Variants in GRIK1 observed in about 807,000 individuals in gnomAD.
GRIK1 encodes the protein glutamate ionotropic receptor kainate type subunit 1, also known as glutamate receptor ionotropic, kainate 1.
In GRIK1, 69 loss-of-function variants were observed where a neutral mutation model predicts 105.7. The observed-to-expected ratio is 0.65, with a 90% CI of 0.54 to 0.80. The LOEUF (loss-of-function observed/expected upper bound fraction) is 0.80. Ranked by LOEUF, GRIK1 falls within the 30% of genes least tolerant of loss-of-function variation. The pLI is 0.00. For synonymous variants in GRIK1, 438 were observed against 431.3 expected (o/e 1.02, Z -0.19); for missense variants, 1,109 against 1,167.3 (o/e 0.95, Z 0.73).
At chr21:29,749,618 G>A (rs1193597630) in intron 1 of GRIK1, among the ~76,000 whole-genome samples, 1 of 152,176 alleles carries the variant, frequency 6.6e-6, no homozygotes, top group Non-Finnish European at 1.5e-5. Context: ...TTATCAGCAG[G>A]AGAGTGCAGA....
At chr21:29,754,586 G>A (rs2065287235) in intron 1 of GRIK1, among the ~76,000 whole-genome samples, 1 of 152,190 alleles carries the variant, frequency 6.6e-6, no homozygotes. Flanking sequence ...CTGACACAGA[G>A]GGGTGTGATT....
At chr21:29,747,897 T>G (rs758990555) in intron 1 of GRIK1, among the ~76,000 whole-genome samples, 1 of 152,206 alleles carries the variant, frequency 6.6e-6, no homozygotes, top group Non-Finnish European at 1.5e-5. Context: ...TGAAGAAATA[T>G]TCTGTGATTT....
rs146463802 is a variant in GRIK1 at position 29,615,222 on chromosome 21, C to T, written c.1099-16285G>A. Among the ~76,000 whole-genome samples the T allele has an allele frequency of 2.6e-4, 39 of 151,728 alleles. 2 individuals carry two copies. Among genetic ancestry groups the T allele is most frequent in the African/African-American group, 8.8e-4 (36 of 41,048 alleles). ...GTCTTGTATTACAGTTTGTTGTGTG[C>T]ATTTTCCTCCAGATGATGATGGCTT... is the stretch of plus-strand genomic sequence containing the variant. On this transcript the variant is annotated intron_variant, in intron 7 of 17. Transcript: ENST00000327783.
chr21:29,856,202 C>A (rs1375663331), intron 1 of GRIK1, among the ~76,000 whole-genome samples: 1 of 152,026 alleles, frequency 6.6e-6, no homozygotes, highest in Non-Finnish European at 1.5e-5. Flanking sequence ...GGGAGATAAG[C>A]AGAGGACCCC....
chr21:29,838,896 T>C lies in GRIK1; in HGVS notation c.118+100487A>G, dbSNP rs139881004. 1.5e-3 allele frequency among the ~76,000 whole-genome samples: 236 copies of C among 152,286 alleles called. 2 individuals carry two copies. Among genetic ancestry groups the C allele is most frequent in the African/African-American group, 5.6e-3 (232 of 41,552 alleles). On this transcript the variant is annotated intron_variant, in intron 1 of 17. Coordinates refer to ENST00000327783, the MANE Select transcript of GRIK1 (RefSeq NM_001330994.2). Reference sequence around the variant, plus strand: ...ATCACAGAAATTTATTTGGTGGTGCTTAAATTGTATGAAGGAATCTGACAT... The same window carrying C: ...ATCACAGAAATTTATTTGGTGGTGCCTAAATTGTATGAAGGAATCTGACAT...
At chr21:29,538,020 AT>A in intron 16 of GRIK1, 136 bp from the exon 17 acceptor site, 2 of 612,410 alleles carry the variant, frequency 3.3e-6, no homozygotes, top group Non-Finnish European at 2.9e-6. Flanking sequence ...AGCAAAAACG[AT>A]GGCATAATAC....
At chr21:29,728,539 G>C (rs560807752) in intron 1 of GRIK1, among the ~76,000 whole-genome samples, 7 of 152,138 alleles carry the variant, frequency 4.6e-5, no homozygotes, top group African/African-American at 1.7e-4. Flanking sequence ...TAGCACTGTC[G>C]ATCATATTTC....
intron 7 of GRIK1, among the ~76,000 whole-genome samples, chr21:29,602,838 CAT>C (rs778616981): frequency 6.6e-6 from 1 of 152,230 alleles, no homozygotes; most frequent in Non-Finnish European, 1.5e-5. Context: ...GTGTTTTAAA[CAT>C]GTGTTGCCAT....
intron 16 of GRIK1, among the ~76,000 whole-genome samples, chr21:29,546,259 G>A (rs1369844949): frequency 6.6e-6 from 1 of 152,176 alleles, no homozygotes; most frequent in Non-Finnish European, 1.5e-5. Flanking sequence ...AAGAGCCATG[G>A]ATTTTTGGCT....
chr21:29,549,321 A>G (rs1380652658), intron 16 of GRIK1, among the ~76,000 whole-genome samples: 1 of 152,244 alleles, frequency 6.6e-6, no homozygotes, highest in Non-Finnish European at 1.5e-5. Context: ...CTTTTAAATA[A>G]TGCAACTACC....
intron 1 of GRIK1, among the ~76,000 whole-genome samples, chr21:29,898,052 T>G (rs1601976288): frequency 6.6e-6 from 1 of 152,212 alleles, no homozygotes; most frequent in East Asian, 1.9e-4. Flanking sequence ...TGTCTTTAGC[T>G]TCTTCGCCTA....
intron 1 of GRIK1, among the ~76,000 whole-genome samples, chr21:29,719,139 G>T (rs1472925019): frequency 1.4e-5 from 2 of 147,954 alleles, no homozygotes; most frequent in African/African-American, 2.5e-5. Flanking sequence ...GCCATTGAAA[G>T]TTATCTAGAT....
intron 1 of GRIK1, among the ~76,000 whole-genome samples, chr21:29,805,443 C>T (rs544751365): frequency 1.3e-5 from 2 of 152,170 alleles, no homozygotes; most frequent in Admixed American, 1.3e-4. Flanking sequence ...GTGTTATTAG[C>T]CAATAAATCT....
At chr21:29,545,957 C>T (rs1159299232) in intron 16 of GRIK1, among the ~76,000 whole-genome samples, 1 of 152,200 alleles carries the variant, frequency 6.6e-6, no homozygotes, top group Non-Finnish European at 1.5e-5. Context: ...TAATGCAAGC[C>T]TCTCTCCACA....
chr21:29,726,785 C>T (rs890245669), intron 1 of GRIK1, among the ~76,000 whole-genome samples: 1 of 151,580 alleles, frequency 6.6e-6, no homozygotes, highest in Non-Finnish European at 1.5e-5. Context: ...TACATGTAGA[C>T]ACATATATAG....
At chr21:29,910,640 A>G (rs955278333) in intron 1 of GRIK1, among the ~76,000 whole-genome samples, 3 of 152,158 alleles carry the variant, frequency 2.0e-5, no homozygotes, top group African/African-American at 7.2e-5. Flanking sequence ...TATTCAATTC[A>G]ATAAAAATTA....
chr21:29,537,723 C>T (rs535054724), intron 17 of GRIK1, 75 bp downstream of exon 17: 9 of 822,562 alleles, frequency 1.1e-5, no homozygotes, highest in African/African-American at 8.4e-5. Flanking sequence ...ATTTCCCCCA[C>T]TGAGATGATC....
At chr21:29,706,963 C>G (rs1488601982) in intron 1 of GRIK1, among the ~76,000 whole-genome samples, 5 of 152,136 alleles carry the variant, frequency 3.3e-5, no homozygotes, top group Non-Finnish European at 5.9e-5. Flanking sequence ...CTCCCGGGTT[C>G]ACGCCATTCT....
intron 1 of GRIK1, among the ~76,000 whole-genome samples, chr21:29,853,402 A>C (rs1454046167): frequency 6.6e-6 from 1 of 152,220 alleles, no homozygotes; most frequent in Non-Finnish European, 1.5e-5. Flanking sequence ...TAAGTGACTT[A>C]GTCCTCCAGC....
Sources: gnomAD v4.1 joint callset for allele counts (sites outside exome capture counted in the v4.1 genomes callset) on GRCh38, gnomAD v4.1.1 for gene constraint, MANE v1.5 for transcripts, NCBI Gene and HGNC (gene_info 2026-07-23, HGNC 2026-07-21) for gene names.